The following CCDC62 variants were observed in gnomAD, a reference collection of about 807,000 sequenced individuals.
CCDC62 encodes coiled-coil domain-containing protein 62.
CCDC62 carries 72 observed loss-of-function variants against 80.8 expected under a neutral mutation model. The ratio of observed to expected loss-of-function variants is 0.89; its 90% CI spans 0.74 to 1.08. CCDC62 has a LOEUF of 1.08. Among genes scored for constraint, CCDC62 ranks in the 50% least tolerant of loss-of-function variants. The pLI is 0.00. For synonymous variants in CCDC62, 286 were observed against 296.5 expected, an observed-to-expected ratio of 0.96 and a Z score of 0.36; for missense variants, 704 against 809.4, an observed-to-expected ratio of 0.87 and a Z score of 1.58.
chr12:122,817,853 T>C (rs2032232658), intron 11 of CCDC62, among the ~76,000 whole-genome samples: 1 of 152,146 alleles, frequency 6.6e-6, no homozygotes, highest in South Asian at 2.1e-4. Flanking sequence ...TCCATCAGAG[T>C]GCACGTCAGG....
At chr12:122,795,909 C>G (rs894620054) in intron 6 of CCDC62, among the ~76,000 whole-genome samples, 1 of 152,182 alleles carries the variant, frequency 6.6e-6, no homozygotes, top group African/African-American at 2.4e-5. Context: ...TTCCAGGCGT[C>G]TAAGTCCCTT....
intron 3 of CCDC62, among the ~76,000 whole-genome samples, chr12:122,782,296 T>G (rs2029911417): frequency 6.6e-6 from 1 of 152,230 alleles, no homozygotes; most frequent in Non-Finnish European, 1.5e-5. Flanking sequence ...CACGGCATTA[T>G]CCTGTCTTAG....
intron 10 of CCDC62, among the ~76,000 whole-genome samples, chr12:122,806,623 C>T (rs773540288): frequency 2.0e-5 from 3 of 151,814 alleles, no homozygotes; most frequent in Non-Finnish European, 4.4e-5. Flanking sequence ...CAACTACAGG[C>T]ACATGCCACC....
chr12:122,775,981 T>G (rs1345652904), intron 1 of CCDC62, among the ~76,000 whole-genome samples: 3 of 152,250 alleles, frequency 2.0e-5, no homozygotes, highest in Non-Finnish European at 2.9e-5. Flanking sequence ...GGGCCTCTGT[T>G]GAACCTTTAA....
In CCDC62 at chr12:122,785,802, G is replaced by A. The variant is rs776433830; in HGVS notation, c.480G>A (p.Thr160=). The change falls in exon 4 of 13, where the codon ACG becomes ACA. Residue 160 remains threonine (T), a synonymous_variant. Coordinates refer to ENST00000253079, the MANE Select transcript of CCDC62 (RefSeq NM_201435.5). The part of the protein sequence containing the change: ...GQLQAREQAL[T]TMIKLKDKDI... ...TACAAGCTCGAGAACAAGCTCTTACGACAATGATAAAGCTAAAGGTAATCA... is the reference window on the plus strand; with the variant it reads ...TACAAGCTCGAGAACAAGCTCTTACAACAATGATAAAGCTAAAGGTAATCA... 12 of 1,609,262 alleles carry A rather than the reference G, an allele frequency of 7.5e-6. No homozygotes were observed. The highest frequency in any genetic ancestry group is 4.5e-5 in the East Asian group (2 of 44,866).
chr12:122,797,213 C>A, intron 6 of CCDC62, 94 bp from the exon 7 acceptor site: 1 of 678,538 alleles, frequency 1.5e-6, no homozygotes. Flanking sequence ...ACAACAACAA[C>A]AAAAATGTTA....
At chr12:122,798,386 T>G (rs1004961097) in intron 8 of CCDC62, among the ~76,000 whole-genome samples, 186 bp downstream of exon 8, 4 of 151,248 alleles carry the variant, frequency 2.6e-5, no homozygotes, top group African/African-American at 9.7e-5. Flanking sequence ...GTGGGTCACC[T>G]GAGGTCAGGA....
At chr12:122,778,752 G>A (rs371509670) in intron 2 of CCDC62, among the ~76,000 whole-genome samples, 11 of 152,022 alleles carry the variant, frequency 7.2e-5, no homozygotes, top group Non-Finnish European at 1.0e-4. Flanking sequence ...GGTGGTGGGC[G>A]CCTGTAGTCC....
At chr12:122,820,572 G>A (rs1489753042) in intron 11 of CCDC62, among the ~76,000 whole-genome samples, 1 of 152,050 alleles carries the variant, frequency 6.6e-6, no homozygotes, top group Non-Finnish European at 1.5e-5. Context: ...AGCAAGGCAC[G>A]GTGGTTCACG....
intron 11 of CCDC62, among the ~76,000 whole-genome samples, chr12:122,816,546 A>G (rs1696323): frequency 0.11 from 16,645 of 152,092 alleles, 2,101 homozygotes; most frequent in African/African-American, 0.31. Flanking sequence ...GGCAACATTG[A>G]AAAACCCCAC....
At chr12:122,826,273 T>G in intron 12 of CCDC62, 149 bp from the exon 13 acceptor site, 2 of 270,004 alleles carry the variant, frequency 7.4e-6, no homozygotes, top group Non-Finnish European at 1.4e-5. Context: ...CTCCGCTGAG[T>G]TTTCATATTT....
chr12:122,822,060 AACAC>A (rs58108370), intron 11 of CCDC62, among the ~76,000 whole-genome samples: 25 of 115,826 alleles, frequency 2.2e-4, no homozygotes, highest in Non-Finnish European at 3.2e-4. Context: ...TATAAATTTA[AACAC>A]ACACACACAC....
intron 10 of CCDC62, among the ~76,000 whole-genome samples, chr12:122,808,555 C>G (rs889552450): frequency 4.0e-5 from 6 of 151,506 alleles, no homozygotes; most frequent in African/African-American, 1.5e-4. Context: ...GAGACAGGGT[C>G]TCACTCTGTC....
intron 10 of CCDC62, among the ~76,000 whole-genome samples, chr12:122,806,628 G>A (rs1444818536): frequency 6.6e-6 from 1 of 151,790 alleles, no homozygotes; most frequent in Admixed American, 6.6e-5. Flanking sequence ...ACAGGCACAT[G>A]CCACCACGCC....
chr12:122,805,509 C>CTTTTTT (rs34211739), intron 9 of CCDC62, among the ~76,000 whole-genome samples: 4 of 49,502 alleles, frequency 8.1e-5, no homozygotes, highest in Admixed American at 3.5e-4. Flanking sequence ...ACACCCAGCT[C>CTTTTTT]TTTTTTTTTT....
chr12:122,824,202 G>A lies in CCDC62; in HGVS notation c.*40+743G>A, dbSNP rs542197519. 2.0e-5 allele frequency among the ~76,000 whole-genome samples: 3 copies of A among 152,200 alleles called. No individual in the cohort carries two copies. In the East Asian group the frequency reaches 5.8e-4, roughly 29 times the overall value. Reference sequence around the variant, plus strand: ...AGGCCAAGGCGGGTGGATCACTTGAGGCCAGGAGTTTGAGACAAGCCTGGC... The same window carrying A: ...AGGCCAAGGCGGGTGGATCACTTGAAGCCAGGAGTTTGAGACAAGCCTGGC... On this transcript the variant is annotated intron_variant, in intron 12 of 12. Transcript: ENST00000253079.
chr12:122,792,319 C>T (rs2030674883), intron 6 of CCDC62, among the ~76,000 whole-genome samples, 198 bp downstream of exon 6: 1 of 151,518 alleles, frequency 6.6e-6, no homozygotes, highest in Admixed American at 6.6e-5. Flanking sequence ...CTCCCGGGCC[C>T]AAGCGATTCT....
intron 10 of CCDC62, among the ~76,000 whole-genome samples, chr12:122,810,918 G>A (rs1468408149): frequency 6.6e-6 from 1 of 151,146 alleles, no homozygotes; most frequent in Non-Finnish European, 1.5e-5. Flanking sequence ...ACTATCACAA[G>A]GACAAAAAAC....
chr12:122,810,195 T>C (rs1482337268), intron 10 of CCDC62, among the ~76,000 whole-genome samples: 4 of 152,106 alleles, frequency 2.6e-5, no homozygotes, highest in Admixed American at 2.6e-4. Flanking sequence ...AAAGAGCTTC[T>C]GCACAGCAAA....
Sources: gnomAD v4.1 joint callset for allele counts (sites outside exome capture counted in the v4.1 genomes callset) on GRCh38, gnomAD v4.1.1 for gene constraint, MANE v1.5 for transcripts, NCBI Gene and HGNC (gene_info 2026-07-23, HGNC 2026-07-21) for gene names.